KIAA1217: variants seen among roughly 807,000 people sequenced by gnomAD.
The protein encoded by KIAA1217 is sickle tail protein homolog.
Under a neutral mutation model 163.9 loss-of-function variants are expected in KIAA1217, and 88 were observed. The observed-to-expected ratio is 0.54, with a 90% CI of 0.45 to 0.64. The LOEUF (loss-of-function observed/expected upper bound fraction) is 0.64. Among genes scored for constraint, KIAA1217 ranks in the 30% least tolerant of loss-of-function variants. KIAA1217 has a pLI of 0.00. For missense variants in KIAA1217, 2,372 were observed against 2,475.0 expected (o/e 0.96, Z 0.88); for synonymous variants, 903 against 923.1 (o/e 0.98, Z 0.39).
chr10:24,338,043 A>G (rs746443468), intron 2 of KIAA1217, among the ~76,000 whole-genome samples: 34 of 152,188 alleles, frequency 2.2e-4, no homozygotes, highest in Non-Finnish European at 4.1e-4. Context: ...ATTTAACTTG[A>G]ATCTGTAATC....
At chr10:23,955,264 A>T (rs79367738) in intron 1 of KIAA1217, among the ~76,000 whole-genome samples, 3,075 of 152,330 alleles carry the variant, frequency 0.02, 41 homozygotes, top group Non-Finnish European at 0.034. Flanking sequence ...CAAGAATAAT[A>T]GTATCCAGAA....
intron 1 of KIAA1217, among the ~76,000 whole-genome samples, chr10:23,769,694 G>A (rs768840254): frequency 6.6e-6 from 1 of 152,184 alleles, no homozygotes; most frequent in Non-Finnish European, 1.5e-5. Context: ...TTATAATTTT[G>A]CAGTGGCAGT....
intron 3 of KIAA1217, among the ~76,000 whole-genome samples, chr10:24,381,848 T>A (rs909859672): frequency 6.6e-6 from 1 of 152,048 alleles, no homozygotes; most frequent in South Asian, 2.1e-4. Flanking sequence ...GTGGAGGAGA[T>A]GACAAAAAGG....
chr10:24,338,495 G>C (rs2046674607), intron 2 of KIAA1217, among the ~76,000 whole-genome samples: 1 of 152,204 alleles, frequency 6.6e-6, no homozygotes, highest in Admixed American at 6.5e-5. Flanking sequence ...GCACAAGTCA[G>C]AAAGCACCTC....
At chr10:23,857,320 A>G (rs1219324427) in intron 1 of KIAA1217, among the ~76,000 whole-genome samples, 2 of 152,168 alleles carry the variant, frequency 1.3e-5, no homozygotes, top group African/African-American at 4.8e-5. Context: ...CATCTTTTCA[A>G]ATAGTGCTGA....
At chr10:24,106,960 G>C (rs756396035) in intron 2 of KIAA1217, among the ~76,000 whole-genome samples, 2 of 152,074 alleles carry the variant, frequency 1.3e-5, no homozygotes, top group African/African-American at 2.4e-5. Context: ...TGGGGGTTTG[G>C]TGTACAGATT....
intron 1 of KIAA1217, among the ~76,000 whole-genome samples, chr10:23,784,127 T>C (rs1350035622): frequency 6.6e-6 from 1 of 152,176 alleles, no homozygotes; most frequent in Non-Finnish European, 1.5e-5. Context: ...GTTGGATTCA[T>C]GTATGTTTAC....
intron 1 of KIAA1217, among the ~76,000 whole-genome samples, chr10:23,962,691 A>G (rs921836460): frequency 2.6e-5 from 4 of 152,252 alleles, no homozygotes; most frequent in African/African-American, 4.8e-5. Flanking sequence ...TGCCTTAAAA[A>G]TTACTTTGCC....
intron 2 of KIAA1217, among the ~76,000 whole-genome samples, chr10:24,247,541 A>G (rs1297181117): frequency 6.6e-6 from 1 of 152,220 alleles, no homozygotes. Flanking sequence ...TCACGCTTGT[A>G]ATCCCAGCAC....
chr10:23,824,905 C>A (rs1837828060), intron 1 of KIAA1217, among the ~76,000 whole-genome samples: 1 of 151,882 alleles, frequency 6.6e-6, no homozygotes, highest in African/African-American at 2.4e-5. Flanking sequence ...TCATAAATGT[C>A]CTGATTTGGA....
chr10:24,075,705 G>A (rs1282428200), intron 2 of KIAA1217, among the ~76,000 whole-genome samples: 1 of 150,096 alleles, frequency 6.7e-6, no homozygotes, highest in Non-Finnish European at 1.5e-5. Flanking sequence ...CTGGCTTCAA[G>A]CGATTCTCCT....
chr10:24,303,613 A>G (rs1371906863), intron 2 of KIAA1217, among the ~76,000 whole-genome samples: 2 of 152,218 alleles, frequency 1.3e-5, no homozygotes, highest in Non-Finnish European at 2.9e-5. Flanking sequence ...TGTCATTTAC[A>G]GAGAATGGGG....
intron 2 of KIAA1217, among the ~76,000 whole-genome samples, chr10:24,111,236 T>A (rs1264063566): frequency 6.6e-6 from 1 of 152,238 alleles, no homozygotes; most frequent in African/African-American, 2.4e-5. Flanking sequence ...CCCAACTGAT[T>A]GTGTTACAGT....
In KIAA1217 at chr10:24,369,993, C is replaced by T. The variant is rs553709361; in HGVS notation, c.355-10876C>T. 4.6e-5 allele frequency among the ~76,000 whole-genome samples: 7 copies of T among 152,294 alleles called. No individual in the cohort carries two copies. The South Asian group carries it at 8.3e-4, about 18-fold the overall frequency. On this transcript the variant is annotated intron_variant, in intron 2 of 20. Coordinates refer to ENST00000376454, the MANE Select transcript of KIAA1217 (RefSeq NM_019590.5). Reference sequence around the variant, plus strand: ...AAAAAGACATCTACCTGGCCGGGCGCGGCGGCTCACGCCTGTAATCCCAGC... The same window carrying T: ...AAAAAGACATCTACCTGGCCGGGCGTGGCGGCTCACGCCTGTAATCCCAGC...
chr10:24,113,416 A>G (rs1479892199), intron 2 of KIAA1217, among the ~76,000 whole-genome samples: 1 of 152,142 alleles, frequency 6.6e-6, no homozygotes, highest in East Asian at 1.9e-4. Flanking sequence ...CCACCTCAAC[A>G]ACACCAAATC....
chr10:23,716,223 T>C (rs1837561606), intron 1 of KIAA1217, among the ~76,000 whole-genome samples: 1 of 152,188 alleles, frequency 6.6e-6, no homozygotes, highest in South Asian at 2.1e-4. Context: ...GGAAAGTTTC[T>C]CTTTATGAAA....
At chr10:23,908,167 G>C (rs1285707168) in intron 1 of KIAA1217, among the ~76,000 whole-genome samples, 2 of 152,174 alleles carry the variant, frequency 1.3e-5, no homozygotes. Context: ...CGTGCAGCTA[G>C]AGCTGAGGCA....
intron 1 of KIAA1217, among the ~76,000 whole-genome samples, chr10:23,940,772 A>C (rs1843735029): frequency 6.6e-6 from 1 of 152,250 alleles, no homozygotes; most frequent in African/African-American, 2.4e-5. Context: ...TTGATTTAAC[A>C]ATCAATTACA....
In KIAA1217 at chr10:24,473,938, G is replaced by A. The variant is rs1362751171; in HGVS notation, c.1557G>A (p.Val519=). 1 of 1,614,192 alleles carries A rather than the reference G, an allele frequency of 6.2e-7. No homozygotes were observed. The highest frequency in any genetic ancestry group is 1.7e-5 in the Admixed American group (1 of 60,026). ...TTAAAAAGGAGCCAGGCACCTTGGT[G>A]TATATAGAAAAGCCACGGAGCGCTG... ...QAFKKEPGTL[V]YIEKPRSAAG... is the part of the protein sequence containing the mutation. The change falls in exon 6 of 21, where the codon GTG becomes GTA. Residue 519 remains valine, a synonymous_variant. Transcript: ENST00000376454.
Sources: gnomAD v4.1 joint callset for allele counts (sites outside exome capture counted in the v4.1 genomes callset) on GRCh38, gnomAD v4.1.1 for gene constraint, MANE v1.5 for transcripts, NCBI Gene and HGNC (gene_info 2026-07-23, HGNC 2026-07-21) for gene names.